The following NSF variants were observed in gnomAD, a reference collection of about 807,000 sequenced individuals.
NSF encodes the protein N-ethylmaleimide sensitive factor, vesicle fusing ATPase.
A neutral mutation model predicts 50.3 loss-of-function variants in NSF; 14 were observed. The ratio of observed to expected loss-of-function variants is 0.28; its 90% CI spans 0.18 to 0.44. NSF has a LOEUF of 0.44. NSF is among the 20% of genes least tolerant of loss of function. The pLI is 1.00. For synonymous variants in NSF, 109 were observed against 175.7 expected (o/e 0.62, Z 3.00); for missense variants, 218 against 504.3 (o/e 0.43, Z 5.44).
intron 19 of NSF, among the ~76,000 whole-genome samples, chr17:46,755,020 A>T (rs752458600): frequency 6.6e-6 from 1 of 152,250 alleles, no homozygotes; most frequent in African/African-American, 2.4e-5. Context: ...TCTCACAGCG[A>T]TGCCTCACAG....
At chr17:46,667,259 A>G (rs1425649445) in intron 8 of NSF, among the ~76,000 whole-genome samples, 1 of 127,984 alleles carries the variant, frequency 7.8e-6, no homozygotes, top group Non-Finnish European at 1.7e-5. Context: ...TACTATTATT[A>G]TTTCCAGCTA....
chr17:46,709,493 A>AT (rs934842907), intron 13 of NSF, among the ~76,000 whole-genome samples: 210 of 143,542 alleles, frequency 1.5e-3, no homozygotes, highest in Admixed American at 4.8e-3. Flanking sequence ...CCAGCCTATA[A>AT]TTTTTTTTTT....
intron 17 of NSF, among the ~76,000 whole-genome samples, chr17:46,743,179 TAACCCAGAGCC>T (rs542487141): frequency 3.6e-4 from 55 of 152,276 alleles, no homozygotes; most frequent in Middle Eastern, 3.4e-3. Flanking sequence ...TCATCTTCCC[TAACCCAGAGCC>T]AACCTTGGCC....
In NSF at chr17:46,757,367, A is replaced by C. The variant is rs779378231; in HGVS notation, c.*1544A>C. The C allele has an allele frequency of 6.6e-6, 1 of 152,646 alleles. No homozygotes were observed. The highest frequency in any genetic ancestry group is 1.5e-5 in the Non-Finnish European group (1 of 68,044). 9.5% of individuals were successfully genotyped at this position (152,646 alleles called of 1,614,324 possible). ...TGTGTTAACTTATGTCTCTTGTTAA[A>C]TGAGCTTAATGTCTTTGTGTTTTGT... On this transcript the variant is annotated 3_prime_UTR_variant, in exon 21 of 21. Coordinates refer to ENST00000398238, the MANE Select transcript of NSF (RefSeq NM_006178.4).
Position 46,751,542 on chromosome 17 carries a change from G to C in NSF, c.2083G>C (p.Ala695Pro). The C allele has an allele frequency of 1.2e-6, 2 of 1,613,988 alleles. No homozygotes were observed. The highest frequency in any genetic ancestry group is 1.7e-6 in the Non-Finnish European group (2 of 1,179,956). The change falls in exon 19 of 21, where the codon GCA (alanine) becomes CCA (proline). Residue 695 changes from alanine (A) to proline (P), a missense_variant. Transcript: ENST00000398238. ...CAAGGATAAGGAACGCACCACAATT[G>C]CACAGCAAGTCAAAGGGAAGAAGGT... ...NFKDKERTTI[A>P]QQVKGKKVWI...
intron 19 of NSF, among the ~76,000 whole-genome samples, chr17:46,753,491 C>T (rs1473970586): frequency 6.6e-6 from 1 of 152,158 alleles, no homozygotes; most frequent in African/African-American, 2.4e-5. Flanking sequence ...CACAGACTAA[C>T]CACTTTGTTT....
At chr17:46,735,950 A>G (rs2058999455) in intron 17 of NSF, among the ~76,000 whole-genome samples, 1 of 152,134 alleles carries the variant, frequency 6.6e-6, no homozygotes, top group African/African-American at 2.4e-5. Context: ...TGTCTCAAAA[A>G]AAGAATTGCC....
At chr17:46,724,404 A>G (rs1311244495) in intron 15 of NSF, among the ~76,000 whole-genome samples, 1 of 152,196 alleles carries the variant, frequency 6.6e-6, no homozygotes, top group Non-Finnish European at 1.5e-5. Context: ...AAGCTAATAG[A>G]TAATAGAGGC....
intron 9 of NSF, among the ~76,000 whole-genome samples, chr17:46,679,135 A>G (rs1598674197): frequency 1.3e-5 from 2 of 152,184 alleles, no homozygotes; most frequent in African/African-American, 2.4e-5. Flanking sequence ...AATTATTACC[A>G]TAAAAATCAG....
At chr17:46,732,874 G>A (rs1481245934) in intron 17 of NSF, among the ~76,000 whole-genome samples, 1 of 152,312 alleles carries the variant, frequency 6.6e-6, no homozygotes, top group East Asian at 1.9e-4. Flanking sequence ...TGAGAACTCA[G>A]CAGCAGCAGC....
At chr17:46,715,999 G>A (rs1300984157) in intron 15 of NSF, among the ~76,000 whole-genome samples, 1 of 152,098 alleles carries the variant, frequency 6.6e-6, no homozygotes, top group Non-Finnish European at 1.5e-5. Context: ...TTCCTTGGGG[G>A]AAAAATATTA....
At chr17:46,741,139 G>A (rs928847509) in intron 17 of NSF, among the ~76,000 whole-genome samples, 3 of 152,100 alleles carry the variant, frequency 2.0e-5, no homozygotes, top group African/African-American at 7.2e-5. Context: ...TGTAGTTTCA[G>A]CTCCCTCACT....
chr17:46,685,517 C>T (rs1375756053), intron 9 of NSF, among the ~76,000 whole-genome samples: 2 of 151,854 alleles, frequency 1.3e-5, no homozygotes, highest in African/African-American at 2.4e-5. Flanking sequence ...ATAGAACAGC[C>T]GCTTTTGAAA....
chr17:46,741,419 T>A (rs773310480), intron 17 of NSF, among the ~76,000 whole-genome samples: 4 of 152,192 alleles, frequency 2.6e-5, no homozygotes, highest in Non-Finnish European at 5.9e-5. Context: ...CCCCCCCTTA[T>A]TGTCTTCTGT....
At chr17:46,736,672 AAT>A (rs1417764099) in intron 17 of NSF, among the ~76,000 whole-genome samples, 3 of 152,238 alleles carry the variant, frequency 2.0e-5, no homozygotes, top group Non-Finnish European at 4.4e-5. Context: ...AACTGTCAAA[AAT>A]TCCTTAATTC....
At chr17:46,743,229 G>A (rs910754508) in intron 17 of NSF, among the ~76,000 whole-genome samples, 1 of 152,142 alleles carries the variant, frequency 6.6e-6, no homozygotes, top group Non-Finnish European at 1.5e-5. Context: ...CCAGTGCCCT[G>A]TGTTTGTTTT....
intron 15 of NSF, among the ~76,000 whole-genome samples, chr17:46,724,210 TA>T (rs1258635729): frequency 6.6e-6 from 1 of 152,196 alleles, no homozygotes; most frequent in African/African-American, 2.4e-5. Context: ...TTCCTAAATT[TA>T]GGAAACTGTC....
intron 1 of NSF, among the ~76,000 whole-genome samples, chr17:46,602,768 CT>C (rs1393046843): frequency 6.8e-6 from 1 of 147,216 alleles, no homozygotes; most frequent in African/African-American, 2.6e-5. Flanking sequence ...TATTTTTCTC[CT>C]AGAGAATAAT....
chr17:46,720,623 T>C (rs1437323448), intron 15 of NSF, among the ~76,000 whole-genome samples: 2 of 152,268 alleles, frequency 1.3e-5, no homozygotes, highest in African/African-American at 4.8e-5. Context: ...TTTGCTCATT[T>C]ACGTTTTTAT....
Sources: gnomAD v4.1 joint callset for allele counts (sites outside exome capture counted in the v4.1 genomes callset) on GRCh38, gnomAD v4.1.1 for gene constraint, MANE v1.5 for transcripts, NCBI Gene and HGNC (gene_info 2026-07-23, HGNC 2026-07-21) for gene names.